Variants in ZEB2 observed in about 807,000 individuals in gnomAD.
The protein encoded by ZEB2 is zinc finger E-box binding homeobox 2.
ZEB2 carries 6 observed loss-of-function variants against 99.9 expected under a neutral mutation model. The observed-to-expected ratio is 0.06, with a 90% confidence interval of 0.03 to 0.12. The LOEUF is 0.12. ZEB2 is among the 10% of genes least tolerant of loss of function. ZEB2 has a pLI of 1.00. For missense variants in ZEB2, 969 were observed against 1,502.8 expected (o/e 0.64, Z 5.87); for synonymous variants, 517 against 542.5 (o/e 0.95, Z 0.65).
At chr2:144,491,459 A>G (rs1450050345) in intron 2 of ZEB2, among the ~76,000 whole-genome samples, 2 of 152,080 alleles carry the variant, frequency 1.3e-5, no homozygotes, top group Non-Finnish European at 2.9e-5. Flanking sequence ...GATTATAAAT[A>G]TATCTTTTCT....
intron 2 of ZEB2, chr2:144,503,954 C>A (rs544995646): frequency 6.6e-6 from 1 of 151,872 alleles, no homozygotes; most frequent in East Asian, 1.9e-4. Flanking sequence ...AATGCATTAG[C>A]TTTTGAATGG....
chr2:144,389,371 C>G lies in ZEB2; in HGVS notation c.*80G>C, dbSNP rs1573707328. The G allele has an allele frequency of 1.3e-6, 2 of 1,521,540 alleles. No homozygotes were observed. Among genetic ancestry groups the G allele is most frequent in the East Asian group, 2.3e-5 (1 of 44,436 alleles). 94.3% of individuals were successfully genotyped at this position (1,521,540 alleles called of 1,614,324 possible). ...TGGAAGCGTCAGGCACGTGCATGAA[C>G]AGCTTAACACAGCAGTGTTTTCAAG... On this transcript the variant is annotated 3_prime_UTR_variant, in exon 10 of 10. Transcript: ENST00000627532. The surrounding 1 kb of genome is among the most constrained non-coding windows in gnomAD (Gnocchi z 6.8).
At chr2:144,401,881 G>A (rs1703315863) in intron 6 of ZEB2, among the ~76,000 whole-genome samples, 1 of 152,162 alleles carries the variant, frequency 6.6e-6, no homozygotes. Context: ...TTCATTACAT[G>A]ATGAGCATGT....
intron 2 of ZEB2, among the ~76,000 whole-genome samples, chr2:144,475,995 T>G (rs2149911469): frequency 6.6e-6 from 1 of 152,328 alleles, no homozygotes; most frequent in Admixed American, 6.5e-5. Flanking sequence ...TGTAAAAACC[T>G]ACTTCCTTCT....
chr2:144,430,613 A>G (rs1177933017), intron 2 of ZEB2: 1 of 172,314 alleles, frequency 5.8e-6, no homozygotes, highest in Non-Finnish European at 1.4e-5. Context: ...CTAATCTTTT[A>G]AGCAGAAAAT....
At chr2:144,474,535 C>T (rs1448396067) in intron 2 of ZEB2, among the ~76,000 whole-genome samples, 1 of 152,190 alleles carries the variant, frequency 6.6e-6, no homozygotes. Context: ...CTGATCTCTG[C>T]TACCCTAGAA....
rs1238124272 is a variant in ZEB2, at chr2:144,385,277, C to T, written c.*4174G>A. On this transcript the variant is annotated 3_prime_UTR_variant, in exon 10 of 10. Coordinates refer to ENST00000627532, the MANE Select transcript of ZEB2 (RefSeq NM_014795.4). Reference sequence around the variant, plus strand: ...GCTATTATATGATCAAGTGAGTGAACCAATTAATCATTAGAAACAAATGTC... The same window carrying T: ...GCTATTATATGATCAAGTGAGTGAATCAATTAATCATTAGAAACAAATGTC... 1 of 143,532 alleles carries T rather than the reference C, an allele frequency of 7.0e-6. No homozygotes were observed. The highest frequency in any genetic ancestry group is 1.5e-5 in the Non-Finnish European group (1 of 67,948). 8.9% of individuals were successfully genotyped at this position (143,532 alleles called of 1,614,324 possible).
intron 5 of ZEB2, 79 bp from the exon 6 acceptor site, chr2:144,404,209 G>A (rs1703350930): frequency 5.4e-6 from 8 of 1,479,926 alleles, no homozygotes; most frequent in African/African-American, 2.8e-5. Flanking sequence ...CTGACTGCCC[G>A]GGATGGTATG....
At chr2:144,435,365 T>C (rs1194538109) in intron 2 of ZEB2, among the ~76,000 whole-genome samples, 1 of 152,016 alleles carries the variant, frequency 6.6e-6, no homozygotes, top group Non-Finnish European at 1.5e-5. Flanking sequence ...CCCAACACTT[T>C]GGGAGGCCAA....
intron 2 of ZEB2, chr2:144,470,352 T>C (rs988915876): frequency 6.6e-6 from 1 of 152,092 alleles, no homozygotes; most frequent in African/African-American, 2.4e-5. Context: ...TGAGAAAAAA[T>C]TTGAAGTCAT....
intron 2 of ZEB2, among the ~76,000 whole-genome samples, chr2:144,484,735 T>C (rs1041326351): frequency 2.6e-5 from 4 of 151,852 alleles, no homozygotes; most frequent in African/African-American, 7.3e-5. Flanking sequence ...GGTGCCAAAA[T>C]AGGCTTAGTG....
At chr2:144,424,481 A>T (rs1703663583) in intron 4 of ZEB2, 1 of 555,656 alleles carries the variant, frequency 1.8e-6, no homozygotes, top group African/African-American at 1.9e-5. Context: ...TTTTAAAATA[A>T]TTTTTTGCAG....
At chr2:144,467,949 G>C (rs981886014) in intron 2 of ZEB2, among the ~76,000 whole-genome samples, 5 of 152,130 alleles carry the variant, frequency 3.3e-5, no homozygotes, top group African/African-American at 1.2e-4. Flanking sequence ...AATGGTAGGG[G>C]CAGCAGATGT....
chr2:144,387,054 T>TAC lies in ZEB2; in HGVS notation c.*2396_*2397insGT, dbSNP rs886054883. ...GTGTATGTGTGTGTGTGTATATATA[T>TAC]ATATATATACACACACACACATACA... On this transcript the variant is annotated 3_prime_UTR_variant, in exon 10 of 10. Coordinates refer to ENST00000627532, the MANE Select transcript of ZEB2 (RefSeq NM_014795.4). 6 of 147,428 alleles carry TAC rather than the reference T, an allele frequency of 4.1e-5. No homozygotes were observed. The Admixed American group carries it at 4.1e-4, about 10-fold the overall frequency. The allele number at this position is 147,428 out of a possible 1,614,324, so 9.1% of individuals were successfully genotyped here.
At chr2:144,400,573 G>A (rs1470000508) in intron 7 of ZEB2, among the ~76,000 whole-genome samples, 2 of 152,278 alleles carry the variant, frequency 1.3e-5, no homozygotes, top group South Asian at 2.1e-4. Flanking sequence ...ACTAATGTGT[G>A]GTCAATAGCA....
chr2:144,389,784 G>C lies in ZEB2; in HGVS notation c.3312C>G (p.Thr1104=), dbSNP rs1403782189. The change falls in exon 10 of 10, where the codon ACC becomes ACG. Residue 1104 remains threonine (T), a synonymous_variant. Transcript: ENST00000627532. This position sits in a 1 kb window ranked among gnomAD's most constrained non-coding sequence, Gnocchi z 6.8. The part of the protein sequence containing the change: ...EAREKGHLEP[T]ELLMNRAYLQ... Reference sequence around the variant, plus strand: ...AGTAAGCCCGGTTCATCAGCAGCTCGGTGGGTTCCAAGTGCCCTTTCTCGC... The same window carrying C: ...AGTAAGCCCGGTTCATCAGCAGCTCCGTGGGTTCCAAGTGCCCTTTCTCGC... 4.3e-6 allele frequency: 7 copies of C among 1,609,866 alleles called. No homozygotes were observed. Among genetic ancestry groups the C allele is most frequent in the South Asian group, 1.1e-5 (1 of 90,800 alleles).
chr2:144,495,588 A>C (rs1043900286), intron 2 of ZEB2: 1 of 152,274 alleles, frequency 6.6e-6, no homozygotes, highest in African/African-American at 2.4e-5. Context: ...GTGGCTATAG[A>C]ATCCCCTGAA....
intron 2 of ZEB2, among the ~76,000 whole-genome samples, chr2:144,510,687 C>CCTCTCTCTCTCTCTCTCTCT (rs34688250): frequency 7.4e-5 from 11 of 147,972 alleles, no homozygotes; most frequent in African/African-American, 2.2e-4. Context: ...CTACCCTGTG[C>CCTCTCTCTCTCTCTCTCTCT]CTCTCTCTCT....
chr2:144,404,290 C>T (rs1252686662), intron 5 of ZEB2, among the ~76,000 whole-genome samples, 160 bp from the exon 6 acceptor site: 1 of 149,656 alleles, frequency 6.7e-6, no homozygotes, highest in Non-Finnish European at 1.5e-5. Flanking sequence ...CCAGTCCCCT[C>T]GCATGCCCAG....
Sources: gnomAD v4.1 joint callset for allele counts (sites outside exome capture counted in the v4.1 genomes callset) on GRCh38, gnomAD v4.1.1 for gene constraint, Gnocchi (gnomAD v3.1) non-coding constraint, MANE v1.5 for transcripts, NCBI Gene and HGNC (gene_info 2026-07-23, HGNC 2026-07-21) for gene names.